PKN2: variants seen among roughly 807,000 people sequenced by gnomAD.
The protein encoded by PKN2 is serine/threonine-protein kinase N2.
A neutral mutation model predicts 119.1 loss-of-function variants in PKN2; 38 were observed. The ratio of observed to expected loss-of-function variants is 0.32; its 90% CI spans 0.25 to 0.42. The LOEUF is 0.42. Among genes scored for constraint, PKN2 ranks in the 10% least tolerant of loss-of-function variants. The probability of loss-of-function intolerance (pLI) is 1.00; values close to 1 mark genes in which losing one functional copy is unlikely to be tolerated. For synonymous variants in PKN2, 390 were observed against 384.9 expected (o/e 1.01, Z -0.15); for missense variants, 850 against 1,165.1 (o/e 0.73, Z 3.94).
intron 3 of PKN2, among the ~76,000 whole-genome samples, chr1:88,769,014 A>T (rs2100797600): frequency 6.6e-6 from 1 of 152,272 alleles, no homozygotes; most frequent in South Asian, 2.1e-4. Context: ...GCGTGAACTC[A>T]TAGAATGAGA....
At chr1:88,829,031 T>A (rs780937605) in intron 19 of PKN2, 3 of 644,662 alleles carry the variant, frequency 4.7e-6, no homozygotes, top group Non-Finnish European at 8.9e-6. Context: ...AGCAACACAC[T>A]CTGCATCCTT....
At chr1:88,697,337 A>T (rs1310430610) in intron 1 of PKN2, among the ~76,000 whole-genome samples, 1 of 152,178 alleles carries the variant, frequency 6.6e-6, no homozygotes, top group Non-Finnish European at 1.5e-5. Flanking sequence ...TTATATGACC[A>T]ATCTGCCAGA....
intron 1 of PKN2, among the ~76,000 whole-genome samples, chr1:88,721,938 A>G: frequency 6.6e-6 from 1 of 152,196 alleles, no homozygotes; most frequent in Non-Finnish European, 1.5e-5. Flanking sequence ...AGGATCCCAT[A>G]CAAATCTACA....
At chr1:88,810,158 T>C (rs1671723952) in intron 15 of PKN2, among the ~76,000 whole-genome samples, 1 of 152,094 alleles carries the variant, frequency 6.6e-6, no homozygotes, top group Non-Finnish European at 1.5e-5. Context: ...TTTGCTCTTG[T>C]TGACCAAACT....
intron 1 of PKN2, among the ~76,000 whole-genome samples, chr1:88,715,547 A>G (rs1389113176): frequency 6.6e-6 from 1 of 152,062 alleles, no homozygotes; most frequent in African/African-American, 2.4e-5. Context: ...TTTCTAGTTC[A>G]TTTGCCTAGA....
chr1:88,684,479 TTC>T lies in PKN2; in HGVS notation c.-100_-99del. 2.0e-6 allele frequency: 2 copies of T among 976,354 alleles called. No homozygotes were observed. Among genetic ancestry groups the T allele is most frequent in the Non-Finnish European group, 1.5e-6 (1 of 679,386 alleles). 60.5% of individuals were successfully genotyped at this position (976,354 alleles called of 1,614,324 possible). ...TGAATCCCTAGTTGTTTTTTTTTTT[TTC>T]TTTCTCTCCCCTCTCCTCACCCCCA... On this transcript the variant is annotated 5_prime_UTR_variant, in exon 1 of 22. Transcript: ENST00000370521.
At chr1:88,706,552 C>T (rs1667013267) in intron 1 of PKN2, among the ~76,000 whole-genome samples, 1 of 152,012 alleles carries the variant, frequency 6.6e-6, no homozygotes, top group Non-Finnish European at 1.5e-5. Flanking sequence ...TATTTTGTTC[C>T]TGATATTAGG....
chr1:88,786,020 CT>C (rs1272469866), intron 7 of PKN2, 83 bp from the exon 8 acceptor site: 7 of 771,916 alleles, frequency 9.1e-6, no homozygotes, highest in Admixed American at 2.3e-5. Flanking sequence ...GGTCTTAAGA[CT>C]TTTATTGCTA....
intron 15 of PKN2, among the ~76,000 whole-genome samples, chr1:88,808,713 T>C (rs1671661502): frequency 6.6e-6 from 1 of 152,198 alleles, no homozygotes; most frequent in Admixed American, 6.5e-5. Flanking sequence ...ATATGGACAT[T>C]ATTGTATAAA....
chr1:88,700,166 G>T (rs1666720769), intron 1 of PKN2, among the ~76,000 whole-genome samples: 1 of 151,978 alleles, frequency 6.6e-6, no homozygotes, highest in Admixed American at 6.6e-5. Flanking sequence ...GGGCATTTAG[G>T]TGGATTCCAT....
At chr1:88,788,452 TC>T (rs1197883554) in intron 8 of PKN2, among the ~76,000 whole-genome samples, 15 of 151,954 alleles carry the variant, frequency 9.9e-5, no homozygotes, top group African/African-American at 3.1e-4. Flanking sequence ...TTTTTTTTTT[TC>T]TTCTTTCTTG....
In PKN2 at chr1:88,761,186, G is replaced by A. The variant is rs569506577; in HGVS notation, c.504+810G>A. ...TAATGCAGCAAAAAAAATGTTGTGA[G>A]CCGCTGAACCAGATTATCCTCAAGG... On this transcript the variant is annotated intron_variant, in intron 3 of 21. Coordinates refer to ENST00000370521, the MANE Select transcript of PKN2 (RefSeq NM_006256.4). Among the ~76,000 whole-genome samples, 38 of 152,218 alleles carry A rather than the reference G, an allele frequency of 2.5e-4. 1 individual carries two copies. In the South Asian group the frequency reaches 6.2e-3, roughly 25 times the overall value.
chr1:88,688,430 A>G (rs1380490702), intron 1 of PKN2, among the ~76,000 whole-genome samples: 1 of 152,128 alleles, frequency 6.6e-6, no homozygotes, highest in Non-Finnish European at 1.5e-5. Flanking sequence ...GGAACTATAA[A>G]TGTTTTGCAT....
chr1:88,765,181 G>A (rs573389212), intron 3 of PKN2, among the ~76,000 whole-genome samples: 32 of 151,258 alleles, frequency 2.1e-4, no homozygotes, highest in Non-Finnish European at 4.0e-4. Context: ...CGCCCGCCTG[G>A]CCCTCCCAAA....
intron 1 of PKN2, among the ~76,000 whole-genome samples, chr1:88,705,144 T>A (rs921379277): frequency 2.0e-5 from 3 of 151,938 alleles, no homozygotes. Context: ...TTTTTTTTTT[T>A]AAACAGTATC....
chr1:88,752,324 G>T (rs1252152312), intron 2 of PKN2, among the ~76,000 whole-genome samples: 1 of 151,818 alleles, frequency 6.6e-6, no homozygotes, highest in African/African-American at 2.4e-5. Flanking sequence ...GATAGTCTTT[G>T]TCCCAGTTGA....
chr1:88,715,173 G>A (rs1570518894), intron 1 of PKN2, among the ~76,000 whole-genome samples: 1 of 152,118 alleles, frequency 6.6e-6, no homozygotes, highest in East Asian at 1.9e-4. Flanking sequence ...AGTTCGGTTT[G>A]CCAGTATTTT....
In PKN2 at chr1:88,821,991, A is replaced by G. The variant is rs955947651; in HGVS notation, c.2330A>G (p.Lys777Arg). Residue 777 changes from lysine to arginine, a missense_variant, in exon 17 of 22, where the codon AAA becomes AGA. Coordinates refer to ENST00000370521, the MANE Select transcript of PKN2 (RefSeq NM_006256.4). ...VLGLQYLHEH[K>R]IVYRDLKLDN... ...GGGTTGCAGTATTTACATGAACACAAAATTGTTTATAGGTAAGTTAATTTT... is the reference window on the plus strand; with the variant it reads ...GGGTTGCAGTATTTACATGAACACAGAATTGTTTATAGGTAAGTTAATTTT... The G allele has an allele frequency of 5.1e-6, 8 of 1,572,570 alleles. No homozygotes were observed. Among genetic ancestry groups the G allele is most frequent in the Non-Finnish European group, 6.9e-6 (8 of 1,163,350 alleles).
chr1:88,815,384 TA>T, intron 16 of PKN2: 1 of 295,206 alleles, frequency 3.4e-6, no homozygotes, highest in Non-Finnish European at 6.5e-6. Flanking sequence ...GTTCCCTAGC[TA>T]AAATATCACA....
Sources: allele counts gnomAD v4.1 joint callset (sites outside exome capture counted in the v4.1 genomes callset), GRCh38; gene constraint gnomAD v4.1.1; transcripts MANE v1.5; gene names NCBI Gene and HGNC (gene_info 2026-07-23, HGNC 2026-07-21).